PRR5L: variants seen among roughly 807,000 people sequenced by gnomAD.
PRR5L encodes proline-rich protein 5-like.
A neutral mutation model predicts 36.4 loss-of-function variants in PRR5L; 21 were observed. That is an observed-to-expected ratio of 0.58 (90% confidence interval 0.41 to 0.83). The LOEUF (loss-of-function observed/expected upper bound fraction) is 0.83, where lower values mean the gene tolerates loss of function less well. Ranked by LOEUF, PRR5L falls within the 40% of genes least tolerant of loss-of-function variation. PRR5L has a pLI of 0.00. For missense variants in PRR5L, 381 were observed against 473.3 expected, an observed-to-expected ratio of 0.80 and a Z score of 1.81; for synonymous variants, 188 against 197.0, an observed-to-expected ratio of 0.95 and a Z score of 0.38.
intron 1 of PRR5L, among the ~76,000 whole-genome samples, chr11:36,299,224 C>G (rs376866586): frequency 6.6e-6 from 1 of 152,174 alleles, no homozygotes; most frequent in African/African-American, 2.4e-5. Flanking sequence ...AAAGCTACCA[C>G]GTTCTCTCCA....
chr11:36,419,927 G>T (rs918022071), intron 4 of PRR5L, among the ~76,000 whole-genome samples: 6 of 152,178 alleles, frequency 3.9e-5, no homozygotes, highest in Non-Finnish European at 5.9e-5. Flanking sequence ...TCCCCCAGGG[G>T]ACCCTGAATC....
Position 36,463,674 on chromosome 11 carries a change from A to T in PRR5L, c.*938A>T, listed in dbSNP as rs12271205. ...AAAAAAATGTTTGCAAATTTTGCAC[A>T]TAGGATCTTGCACTGTTCATTTTCA... On this transcript the variant is annotated 3_prime_UTR_variant, in exon 9 of 9. Coordinates refer to ENST00000530639, the MANE Select transcript of PRR5L (RefSeq NM_001160167.2). 6.6e-6 allele frequency: 1 copy of T among 152,486 alleles called. No individual in the cohort carries two copies. The highest frequency in any genetic ancestry group is 2.4e-5 in the African/African-American group (1 of 41,380). The allele number at this position is 152,486 out of a possible 1,614,324, so 9.4% of individuals were successfully genotyped here.
intron 1 of PRR5L, among the ~76,000 whole-genome samples, chr11:36,319,272 T>G (rs2133462117): frequency 6.6e-6 from 1 of 152,296 alleles, no homozygotes; most frequent in South Asian, 2.1e-4. Flanking sequence ...TGAGAAGATG[T>G]GGTTTGGAGT....
intron 8 of PRR5L, among the ~76,000 whole-genome samples, chr11:36,458,450 A>G (rs921173456): frequency 6.6e-6 from 1 of 152,236 alleles, no homozygotes; most frequent in East Asian, 1.9e-4. Context: ...TCTAAATTCT[A>G]TGTAATATCC....
intron 1 of PRR5L, among the ~76,000 whole-genome samples, chr11:36,378,479 G>A (rs960540033): frequency 6.6e-6 from 1 of 152,178 alleles, no homozygotes; most frequent in Admixed American, 6.5e-5. Context: ...TGTTACTGAT[G>A]CTTCTAACAA....
chr11:36,408,362 G>T (rs192763322), intron 3 of PRR5L, among the ~76,000 whole-genome samples: 4 of 152,158 alleles, frequency 2.6e-5, no homozygotes, highest in African/African-American at 7.2e-5. Flanking sequence ...AGGGCACATG[G>T]TCTATTGATA....
chr11:36,403,442 A>C, intron 3 of PRR5L, 64 bp downstream of exon 3: 1 of 1,264,196 alleles, frequency 7.9e-7, no homozygotes. Flanking sequence ...CATAGGGGCT[A>C]CCGCCTTAGG....
chr11:36,384,854 A>ACG (rs1857430618), intron 1 of PRR5L, among the ~76,000 whole-genome samples: 1 of 117,376 alleles, frequency 8.5e-6, no homozygotes, highest in South Asian at 2.8e-4. Flanking sequence ...TTTTTTTTTT[A>ACG]GAGTTGGGAT....
At chr11:36,376,619 T>G in intron 1 of PRR5L, 1 of 992,156 alleles carries the variant, frequency 1.0e-6, no homozygotes, top group Non-Finnish European at 1.2e-6. Flanking sequence ...GACCGGAAAC[T>G]TTTTCCTAGG....
chr11:36,297,376 G>T (rs1856323410), intron 1 of PRR5L: 1 of 152,160 alleles, frequency 6.6e-6, no homozygotes, highest in Middle Eastern at 3.2e-3. Context: ...ATCAGCTTTT[G>T]TCTTGCTTGA....
At chr11:36,362,055 A>AG (rs1857094777) in intron 1 of PRR5L, 1 of 119,186 alleles carries the variant, frequency 8.4e-6, no homozygotes, top group Non-Finnish European at 1.8e-5. Context: ...AGTACATAAA[A>AG]GGCAAAAAAA....
At chr11:36,356,087 T>G (rs1857024783) in intron 1 of PRR5L, among the ~76,000 whole-genome samples, 1 of 151,584 alleles carries the variant, frequency 6.6e-6, no homozygotes, top group Non-Finnish European at 1.5e-5. Flanking sequence ...AATTTTTGTA[T>G]TTTTTGTAGA....
chr11:36,448,588 A>G (rs1422386394), intron 7 of PRR5L, among the ~76,000 whole-genome samples: 1 of 152,138 alleles, frequency 6.6e-6, no homozygotes, highest in African/African-American at 2.4e-5. Flanking sequence ...GGCACATAAT[A>G]GGTATTAATT....
chr11:36,351,654 TATAAATATATATTTATATAC>T lies in PRR5L; in HGVS notation c.-125-49342_-125-49323del, dbSNP rs1856969828. Among the ~76,000 whole-genome samples, 2 of 3,648 alleles carry T rather than the reference TATAAATATATATTTATATAC, an allele frequency of 5.5e-4. 1 individual carries two copies. The highest frequency in any genetic ancestry group is 2.2e-3 in the African/African-American group (2 of 900). 2.4% of individuals were successfully genotyped at this position (3,648 alleles called of 152,430 possible). The stretch of plus-strand genomic sequence containing the variant: ...ATATAAATATATATTTATATATTTA[TATAAATATATATTTATATAC>T]TTATATATTTATATATTTATATATT... On this transcript the variant is annotated intron_variant, in intron 1 of 8. Transcript: ENST00000530639.
At chr11:36,338,918 G>A (rs1856793242) in intron 1 of PRR5L, among the ~76,000 whole-genome samples, 2 of 152,194 alleles carry the variant, frequency 1.3e-5, no homozygotes, top group South Asian at 4.2e-4. Flanking sequence ...TGAGTCACGG[G>A]GGCCCGTCTT....
Position 36,390,929 on chromosome 11 carries a change from G to A in PRR5L, c.-125-10068G>A, listed in dbSNP as rs117122008. On this transcript the variant is annotated intron_variant, in intron 1 of 8. Transcript: ENST00000530639. ...GAGAATGGATCAGTTGAGTTTGACC[G>A]ATCATTATCTAAATCCTGGTGGTGT... is the stretch of plus-strand genomic sequence containing the variant. Among the ~76,000 whole-genome samples, 626 of 152,272 alleles carry A rather than the reference G, an allele frequency of 4.1e-3. 1 individual carries two copies. Among genetic ancestry groups the A allele is most frequent in the Admixed American group, 7.5e-3 (115 of 15,296 alleles).
At chr11:36,350,824 A>C (rs1311695693) in intron 1 of PRR5L, among the ~76,000 whole-genome samples, 2 of 148,810 alleles carry the variant, frequency 1.3e-5, no homozygotes, top group Non-Finnish European at 3.0e-5. Context: ...TTCATTTAGA[A>C]TAATGGTCTC....
intron 1 of PRR5L, among the ~76,000 whole-genome samples, chr11:36,306,397 CT>C (rs199906741): frequency 0.039 from 5,916 of 152,266 alleles, 132 homozygotes; most frequent in African/African-American, 0.043. Context: ...ATCTATGTCC[CT>C]GCAAAGGACA....
At chr11:36,396,495 G>A (rs1048324800) in intron 1 of PRR5L, among the ~76,000 whole-genome samples, 12 of 152,226 alleles carry the variant, frequency 7.9e-5, no homozygotes, top group South Asian at 2.1e-4. Flanking sequence ...ACGCTACTGC[G>A]TCACCAGAAG....
Sources: allele counts gnomAD v4.1 joint callset (sites outside exome capture counted in the v4.1 genomes callset), GRCh38; gene constraint gnomAD v4.1.1; transcripts MANE v1.5; gene names NCBI Gene and HGNC (gene_info 2026-07-23, HGNC 2026-07-21).